Variants in IGF2BP2 observed in about 807,000 individuals in gnomAD.
IGF2BP2 encodes the protein insulin-like growth factor 2 mRNA-binding protein 2.
Under a neutral mutation model 75.8 loss-of-function variants are expected in IGF2BP2, and 17 were observed. That is an observed-to-expected ratio of 0.22 (90% CI 0.15 to 0.34). The LOEUF (loss-of-function observed/expected upper bound fraction) is 0.34, where lower values mean the gene tolerates loss of function less well. Among genes scored for constraint, IGF2BP2 ranks in the 10% least tolerant of loss-of-function variants. The pLI is 1.00. For missense variants in IGF2BP2, 516 were observed against 772.4 expected, an observed-to-expected ratio of 0.67 and a Z score of 3.93; for synonymous variants, 288 against 295.6, an observed-to-expected ratio of 0.97 and a Z score of 0.26.
chr3:185,713,323 A>G (rs986706932), intron 2 of IGF2BP2: 2 of 469,080 alleles, frequency 4.3e-6, no homozygotes, highest in Non-Finnish European at 8.5e-6. Flanking sequence ...ACAGCTCTGT[A>G]AAGCCCATTT....
rs1713306288 is a variant in IGF2BP2 at position 185,645,236 on chromosome 3, G to A, written c.*295C>T. ...TTCAACTAAAAGGGATAGCGTCGTG[G>A]GAGTTCAGGAGAGATCCGAGTGGAT... On this transcript the variant is annotated 3_prime_UTR_variant, in exon 16 of 16. Transcript: ENST00000382199. The surrounding 1 kb of genome is among the most constrained non-coding windows in gnomAD (Gnocchi z 4.9). 1 of 453,254 alleles carries A rather than the reference G, an allele frequency of 2.2e-6. No homozygotes were observed. The highest frequency in any genetic ancestry group is 1.9e-5 in the African/African-American group (1 of 51,466). The allele number at this position is 453,254 out of a possible 1,614,324, so 28.1% of individuals were successfully genotyped here. A position where few individuals can be genotyped will look rare whatever the true frequency, so the allele number is the denominator to read the frequency against.
At chr3:185,763,146 A>AT (rs1244458480) in intron 2 of IGF2BP2, among the ~76,000 whole-genome samples, 1 of 151,980 alleles carries the variant, frequency 6.6e-6, no homozygotes, top group African/African-American at 2.4e-5. Context: ...AGGCACTGGT[A>AT]TTTTTTTTAA....
chr3:185,738,992 A>G (rs1450216298), intron 2 of IGF2BP2, among the ~76,000 whole-genome samples: 3 of 152,144 alleles, frequency 2.0e-5, no homozygotes, highest in Admixed American at 6.6e-5. Flanking sequence ...AAGTCACAAA[A>G]CCCAGTTTAA....
intron 2 of IGF2BP2, among the ~76,000 whole-genome samples, chr3:185,746,685 G>T (rs1329192236): frequency 6.6e-6 from 1 of 152,128 alleles, no homozygotes; most frequent in Non-Finnish European, 1.5e-5. Flanking sequence ...AAAGCCAACA[G>T]GAAACATATA....
rs534314028 is a variant in IGF2BP2, at chr3:185,701,705, A to G, written c.240-3358T>C. On this transcript the variant is annotated intron_variant, in intron 2 of 15. Transcript: ENST00000382199. ...TTTGTTAAGCCAGACACTTGGAGGA[A>G]TAATCTCTTAAAAGCTGGACTGTCG... is the stretch of plus-strand genomic sequence containing the variant. Among the ~76,000 whole-genome samples the G allele has an allele frequency of 5.3e-5, 8 of 152,352 alleles. No homozygotes were observed. In the South Asian group the frequency reaches 1.2e-3, roughly 24 times the overall value.
intron 2 of IGF2BP2, among the ~76,000 whole-genome samples, chr3:185,780,579 T>A (rs936940692): frequency 6.6e-6 from 1 of 152,150 alleles, no homozygotes; most frequent in African/African-American, 2.4e-5. Flanking sequence ...TTTAAAAAGG[T>A]CTTCAAAAGT....
chr3:185,800,713 A>AC (rs34122893), intron 2 of IGF2BP2, among the ~76,000 whole-genome samples: 41,225 of 134,070 alleles, frequency 0.31, 6,092 homozygotes, highest in African/African-American at 0.44. Context: ...TGACTGAGCC[A>AC]AAAAAAAAGA....
chr3:185,740,542 CTG>C (rs1729410926), intron 2 of IGF2BP2, among the ~76,000 whole-genome samples: 2 of 152,334 alleles, frequency 1.3e-5, no homozygotes, highest in South Asian at 4.1e-4. Flanking sequence ...TCTTTTTGTT[CTG>C]TGTTATGCTA....
chr3:185,799,979 G>A (rs573360137), intron 2 of IGF2BP2, among the ~76,000 whole-genome samples: 4 of 152,256 alleles, frequency 2.6e-5, no homozygotes, highest in East Asian at 1.9e-4. Context: ...ACATGCACAC[G>A]TATCTTTACT....
intron 2 of IGF2BP2, among the ~76,000 whole-genome samples, chr3:185,796,253 T>C (rs1737359131): frequency 6.6e-6 from 1 of 152,126 alleles, no homozygotes; most frequent in Non-Finnish European, 1.5e-5. Flanking sequence ...GAATCTAGTG[T>C]ATTCTTGAAA....
chr3:185,799,925 T>C (rs1228634694), intron 2 of IGF2BP2, among the ~76,000 whole-genome samples: 3 of 152,230 alleles, frequency 2.0e-5, no homozygotes, highest in Non-Finnish European at 4.4e-5. Flanking sequence ...ATCCCATTAC[T>C]GGGTATATAC....
chr3:185,695,323 T>A (rs1452565960), intron 4 of IGF2BP2, among the ~76,000 whole-genome samples: 2 of 152,216 alleles, frequency 1.3e-5, no homozygotes, highest in African/African-American at 4.8e-5. Context: ...CTAAGTGAAC[T>A]TGAACAATCC....
At position 185,672,527 on chromosome 3, in the gene IGF2BP2, G is replaced by C; in HGVS notation, c.1200+14C>G. 2.5e-6 allele frequency: 4 copies of C among 1,610,702 alleles called. No homozygotes were observed. Among genetic ancestry groups the C allele is most frequent in the Non-Finnish European group, 3.4e-6 (4 of 1,178,568 alleles). On this transcript the variant is annotated intron_variant, in intron 10 of 15. Transcript: ENST00000382199. ...CCAGCGCATAAGCAAACCTCCACAAGCTGAGCTACTTACAGTGAAGGGGTG... is the reference window on the plus strand; with the variant it reads ...CCAGCGCATAAGCAAACCTCCACAACCTGAGCTACTTACAGTGAAGGGGTG...
At chr3:185,799,691 G>A (rs188963025) in intron 2 of IGF2BP2, among the ~76,000 whole-genome samples, 3 of 152,042 alleles carry the variant, frequency 2.0e-5, no homozygotes, top group Admixed American at 6.5e-5. Context: ...GGCAGAGCTT[G>A]CAGTGAGCTG....
intron 2 of IGF2BP2, among the ~76,000 whole-genome samples, chr3:185,781,906 G>C (rs549298474): frequency 2.6e-4 from 40 of 152,032 alleles, no homozygotes; most frequent in Non-Finnish European, 4.9e-4. Flanking sequence ...TGCATTTGTG[G>C]GATAAGGTCC....
At chr3:185,781,601 G>C (rs910026311) in intron 2 of IGF2BP2, among the ~76,000 whole-genome samples, 1 of 152,144 alleles carries the variant, frequency 6.6e-6, no homozygotes, top group Non-Finnish European at 1.5e-5. Flanking sequence ...ATTGTGACTA[G>C]AGAGATACAA....
chr3:185,781,282 T>C (rs527389350), intron 2 of IGF2BP2, among the ~76,000 whole-genome samples: 2 of 152,234 alleles, frequency 1.3e-5, no homozygotes, highest in South Asian at 4.2e-4. Flanking sequence ...TGTATCCATC[T>C]CCCAGCTTCA....
chr3:185,727,909 G>T (rs1335974877), intron 2 of IGF2BP2, among the ~76,000 whole-genome samples: 1 of 152,160 alleles, frequency 6.6e-6, no homozygotes, highest in African/African-American at 2.4e-5. Context: ...TTCCAGCCCT[G>T]ACATGCCTCA....
chr3:185,723,780 C>G (rs1368500109), intron 2 of IGF2BP2, among the ~76,000 whole-genome samples: 1 of 152,152 alleles, frequency 6.6e-6, no homozygotes. Flanking sequence ...GAAGAACAGA[C>G]AGCATACGAT....
Sources: allele counts gnomAD v4.1 joint callset (sites outside exome capture counted in the v4.1 genomes callset), GRCh38; gene constraint gnomAD v4.1.1; non-coding constraint Gnocchi (gnomAD v3.1); transcripts MANE v1.5; gene names NCBI Gene and HGNC (gene_info 2026-07-23, HGNC 2026-07-21).